ACSL3: variants seen among roughly 807,000 people sequenced by gnomAD.
ACSL3 encodes the protein acyl-CoA synthetase long chain family member 3, also known as fatty acid CoA ligase Acsl3.
In ACSL3, 34 loss-of-function variants were observed where a neutral mutation model predicts 84.7. The ratio of observed to expected loss-of-function variants is 0.40; its 90% CI spans 0.31 to 0.53. ACSL3 has a LOEUF of 0.53. Ranked by LOEUF, ACSL3 falls within the 20% of genes least tolerant of loss-of-function variation. The pLI is 0.48. For synonymous variants in ACSL3, 315 were observed against 299.4 expected, an observed-to-expected ratio of 1.05 and a Z score of -0.54; for missense variants, 680 against 873.1, an observed-to-expected ratio of 0.78 and a Z score of 2.79.
chr2:222,935,028 T>C (rs1401024286), intron 16 of ACSL3, among the ~76,000 whole-genome samples: 1 of 152,204 alleles, frequency 6.6e-6, no homozygotes, highest in Non-Finnish European at 1.5e-5. Flanking sequence ...TTTGAAACTT[T>C]ATACAATGTT....
At chr2:222,863,271 T>C (rs932224466) in intron 1 of ACSL3, among the ~76,000 whole-genome samples, 7 of 152,212 alleles carry the variant, frequency 4.6e-5, no homozygotes, top group Non-Finnish European at 7.3e-5. Context: ...GGAAATCTAG[T>C]CTAGGGAGCT....
intron 1 of ACSL3, among the ~76,000 whole-genome samples, chr2:222,878,412 G>A (rs1185521641): frequency 2.6e-5 from 4 of 152,200 alleles, no homozygotes; most frequent in Non-Finnish European, 5.9e-5. Flanking sequence ...ACTGCTTGCT[G>A]TACTTTAATG....
intron 12 of ACSL3, among the ~76,000 whole-genome samples, chr2:222,927,766 G>T (rs1027591708): frequency 1.4e-4 from 21 of 152,162 alleles, no homozygotes; most frequent in Non-Finnish European, 7.3e-5. Context: ...TTTGCTTTCC[G>T]GTACAGGATA....
chr2:222,877,182 G>C (rs1327911360), intron 1 of ACSL3, among the ~76,000 whole-genome samples: 1 of 152,174 alleles, frequency 6.6e-6, no homozygotes, highest in African/African-American at 2.4e-5. Context: ...AGCTCAAGGG[G>C]ATTGGAGTTC....
chr2:222,881,547 A>G (rs945089245), intron 1 of ACSL3, among the ~76,000 whole-genome samples: 2 of 151,990 alleles, frequency 1.3e-5, no homozygotes, highest in East Asian at 3.9e-4. Context: ...ATGGAGTTTC[A>G]CTCTTGTCGC....
chr2:222,892,028 A>C (rs888579990), intron 2 of ACSL3, among the ~76,000 whole-genome samples: 1 of 152,170 alleles, frequency 6.6e-6, no homozygotes, highest in African/African-American at 2.4e-5. Context: ...AGGTTCTTGC[A>C]TGGATTAATG....
In ACSL3 at chr2:222,944,030, C is replaced by G. The variant is rs1159588569; in HGVS notation, c.*2376C>G. The G allele has an allele frequency of 6.6e-6, 1 of 152,082 alleles. No individual in the cohort carries two copies. The highest frequency in any genetic ancestry group is 2.4e-5 in the African/African-American group (1 of 41,440). The allele number at this position is 152,082 out of a possible 1,614,324, so 9.4% of individuals were successfully genotyped here. ...TTCCAGTAAGTTTAGCAACTTAGAGCCAAGACTGGTGGCCACCTCCATTTA... is the reference window on the plus strand; with the variant it reads ...TTCCAGTAAGTTTAGCAACTTAGAGGCAAGACTGGTGGCCACCTCCATTTA... On this transcript the variant is annotated 3_prime_UTR_variant, in exon 17 of 17. Transcript: ENST00000357430.
chr2:222,896,085 T>C (rs577472690), intron 2 of ACSL3, among the ~76,000 whole-genome samples: 5 of 6,762 alleles, frequency 7.4e-4, no homozygotes, highest in Non-Finnish European at 1.1e-3. Flanking sequence ...ACCTCCCGGA[T>C]GGGGCGGCTG....
At chr2:222,930,596 A>G (rs915874041) in intron 13 of ACSL3, 25 bp from the exon 14 acceptor site, 8 of 1,539,364 alleles carry the variant, frequency 5.2e-6, no homozygotes, top group African/African-American at 1.4e-5. Context: ...TAACTCAACT[A>G]TTAACTCAAT....
intron 1 of ACSL3, among the ~76,000 whole-genome samples, chr2:222,885,665 T>C (rs186026440): frequency 6.6e-6 from 1 of 152,262 alleles, no homozygotes; most frequent in Non-Finnish European, 1.5e-5. Flanking sequence ...CCTGGATGAA[T>C]AGATGCATGA....
intron 2 of ACSL3, among the ~76,000 whole-genome samples, chr2:222,891,917 T>A (rs774414211): frequency 2.0e-5 from 3 of 152,208 alleles, no homozygotes; most frequent in Non-Finnish European, 4.4e-5. Context: ...AAGTGGAACT[T>A]TTTATCTAAT....
At position 222,909,026 on chromosome 2, in the gene ACSL3, G is replaced by A; in HGVS notation, c.254G>A (p.Cys85Tyr). The A allele has an allele frequency of 2.5e-6, 4 of 1,613,532 alleles. No homozygotes were observed. Among genetic ancestry groups the A allele is most frequent in the South Asian group, 2.2e-5 (2 of 90,846 alleles). ...TTGGCTTCAGTATTATACCCTGGAT[G>A]TGATACTTTAGATAAAGTTTTTACA... ...DGLASVLYPG[C>Y]DTLDKVFTYA... is the part of the protein sequence containing the mutation. The change falls in exon 4 of 17, where the codon TGT becomes TAT. Residue 85 changes from cysteine to tyrosine, a missense_variant. Around this residue, in one of 2 missense-constraint regions of ACSL3, gnomAD observed 333 missense variants for 347.5 expected, o/e 0.96. Transcript: ENST00000357430.
chr2:222,926,887 T>C (rs1424543786), intron 11 of ACSL3, 130 bp from the exon 12 acceptor site: 14 of 924,248 alleles, frequency 1.5e-5, no homozygotes, highest in Non-Finnish European at 2.0e-5. Flanking sequence ...CTCTCCAAAT[T>C]GGCTGTGTGA....
intron 1 of ACSL3, among the ~76,000 whole-genome samples, chr2:222,884,065 G>C (rs745246): frequency 1.3e-5 from 2 of 152,082 alleles, no homozygotes; most frequent in African/African-American, 2.4e-5. Context: ...TTTGTCTGCT[G>C]TTTGTCTCTT....
Position 222,916,299 on chromosome 2 carries a change from A to T in ACSL3, c.379-20A>T, listed in dbSNP as rs572219414. 662 of 1,432,954 alleles carry T rather than the reference A, an allele frequency of 4.6e-4. 1 individual carries two copies. The highest frequency in any genetic ancestry group is 1.7e-3 in the Middle Eastern group (9 of 5,354). 88.8% of individuals were successfully genotyped at this position (1,432,954 alleles called of 1,614,324 possible). A position where few individuals can be genotyped will look rare whatever the true frequency, so the allele number is the denominator to read the frequency against. ...TTATTATTTTGATTACATTAAAAAA[A>T]TTTTTTTTTGTTTTATCAGGTTATT... On this transcript the variant is annotated intron_variant, in intron 4 of 16. Transcript: ENST00000357430.
Position 222,877,621 on chromosome 2 carries a change from T to C in ACSL3, c.-206-10209T>C, listed in dbSNP as rs115545821. Among the ~76,000 whole-genome samples the C allele has an allele frequency of 4.1e-3, 627 of 152,370 alleles. 4 individuals carry two copies. Among genetic ancestry groups the C allele is most frequent in the African/African-American group, 0.015 (605 of 41,588 alleles). ...TAGGCATGTAACAGTTTCTGTTCTT[T>C]GCATTGATGTTTCTGGGGAGAATGG... On this transcript the variant is annotated intron_variant, in intron 1 of 16. Coordinates refer to ENST00000357430, the MANE Select transcript of ACSL3 (RefSeq NM_004457.5).
At chr2:222,878,653 C>T (rs1437114199) in intron 1 of ACSL3, among the ~76,000 whole-genome samples, 2 of 152,184 alleles carry the variant, frequency 1.3e-5, no homozygotes, top group African/African-American at 4.8e-5. Flanking sequence ...CTGTTTGGAG[C>T]CCCAGCCCTG....
chr2:222,932,621 A>T (rs1183490812), intron 14 of ACSL3, among the ~76,000 whole-genome samples: 2 of 151,902 alleles, frequency 1.3e-5, no homozygotes, highest in African/African-American at 4.8e-5. Context: ...GAGCCACTGG[A>T]CCTGGCCTGT....
At chr2:222,929,506 G>C (rs923663945) in intron 13 of ACSL3, among the ~76,000 whole-genome samples, 3 of 152,268 alleles carry the variant, frequency 2.0e-5, no homozygotes, top group African/African-American at 7.2e-5. Context: ...TTCTGGCCGG[G>C]CGCAGTGGCT....
Sources: allele counts gnomAD v4.1 joint callset (sites outside exome capture counted in the v4.1 genomes callset), GRCh38; gene constraint gnomAD v4.1.1; regional missense constraint gnomAD v4.1.1; transcripts MANE v1.5; gene names NCBI Gene and HGNC (gene_info 2026-07-23, HGNC 2026-07-21).